Variants in CDYL2 observed in about 807,000 individuals in gnomAD.
The protein encoded by CDYL2 is chromodomain Y like 2, also known as chromodomain Y-like protein 2.
CDYL2 carries 23 observed loss-of-function variants against 49.4 expected under a neutral mutation model. The observed-to-expected ratio is 0.47, with a 90% CI of 0.34 to 0.66. The LOEUF is 0.66. Among genes scored for constraint, CDYL2 ranks in the 30% least tolerant of loss-of-function variants. The pLI is 0.01. For synonymous variants in CDYL2, 360 were observed against 268.8 expected, an observed-to-expected ratio of 1.34 and a Z score of -3.32; for missense variants, 678 against 656.4, an observed-to-expected ratio of 1.03 and a Z score of -0.36.
At chr16:80,628,525 G>C (rs1597133440) in intron 3 of CDYL2, 1 of 152,290 alleles carries the variant, frequency 6.6e-6, no homozygotes, top group Non-Finnish European at 1.5e-5. Flanking sequence ...TGAGACTGCA[G>C]CCCCAGCCTC....
intron 1 of CDYL2, among the ~76,000 whole-genome samples, chr16:80,698,569 C>T (rs1904286091): frequency 6.6e-6 from 1 of 152,078 alleles, no homozygotes; most frequent in African/African-American, 2.4e-5. Context: ...AGAGGTGGGG[C>T]TTGGTAGGAC....
chr16:80,646,184 C>G (rs965504758), intron 2 of CDYL2, among the ~76,000 whole-genome samples: 3 of 151,678 alleles, frequency 2.0e-5, no homozygotes, highest in African/African-American at 7.3e-5. Context: ...GTCCCTCCCA[C>G]AATATGTGGG....
chr16:80,646,810 C>T (rs1184214844), intron 2 of CDYL2, among the ~76,000 whole-genome samples: 1 of 149,606 alleles, frequency 6.7e-6, no homozygotes, highest in African/African-American at 2.5e-5. Flanking sequence ...CAAAACAAAA[C>T]AAAACAAAAC....
chr16:80,789,289 A>G (rs1441189956), intron 1 of CDYL2, among the ~76,000 whole-genome samples: 5 of 152,174 alleles, frequency 3.3e-5, no homozygotes, highest in African/African-American at 1.2e-4. Flanking sequence ...CCCAAAGGAA[A>G]AGAAATCATT....
intron 4 of CDYL2, among the ~76,000 whole-genome samples, chr16:80,620,348 G>T (rs77660114): frequency 6.6e-6 from 1 of 152,150 alleles, no homozygotes; most frequent in Non-Finnish European, 1.5e-5. Flanking sequence ...GCTGAGCTAC[G>T]GCAGTGCTGG....
chr16:80,792,635 A>T (rs2142416822), intron 1 of CDYL2, among the ~76,000 whole-genome samples: 1 of 152,124 alleles, frequency 6.6e-6, no homozygotes, highest in African/African-American at 2.4e-5. Flanking sequence ...GAGTACAGAG[A>T]CTCACCTACC....
intron 2 of CDYL2, among the ~76,000 whole-genome samples, chr16:80,651,630 G>A (rs918778927): frequency 1.3e-5 from 2 of 152,140 alleles, no homozygotes; most frequent in African/African-American, 2.4e-5. Context: ...AGGATCTCAG[G>A]GTAGAATGCA....
At chr16:80,630,315 G>T (rs117530553) in intron 3 of CDYL2, among the ~76,000 whole-genome samples, 1 of 152,184 alleles carries the variant, frequency 6.6e-6, no homozygotes, top group Non-Finnish European at 1.5e-5. Context: ...TAAATCAGAC[G>T]AGCACAACAT....
chr16:80,737,152 T>A (rs1438976633), intron 1 of CDYL2, among the ~76,000 whole-genome samples: 1 of 152,168 alleles, frequency 6.6e-6, no homozygotes, highest in Non-Finnish European at 1.5e-5. Context: ...AATCTATCCA[T>A]GCCCCCAGAC....
intron 1 of CDYL2, among the ~76,000 whole-genome samples, chr16:80,725,187 C>A (rs1404357933): frequency 6.6e-6 from 1 of 152,080 alleles, no homozygotes; most frequent in East Asian, 1.9e-4. Context: ...CATACACATA[C>A]ACATACACAT....
intron 1 of CDYL2, among the ~76,000 whole-genome samples, chr16:80,714,873 T>TCCTTTAG (rs111904874): frequency 9.2e-5 from 14 of 152,224 alleles, no homozygotes; most frequent in African/African-American, 3.1e-4. Context: ...TTTACAAAGC[T>TCCTTTAG]CCTTTAGTGG....
intron 1 of CDYL2, among the ~76,000 whole-genome samples, chr16:80,741,775 G>A (rs1023363322): frequency 1.1e-4 from 17 of 152,052 alleles, no homozygotes; most frequent in Admixed American, 1.0e-3. Flanking sequence ...TTAAATAATC[G>A]CCCAGCATTG....
chr16:80,736,588 G>C (rs1168396169), intron 1 of CDYL2: 1 of 152,142 alleles, frequency 6.6e-6, no homozygotes, highest in African/African-American at 2.4e-5. Context: ...TGGGACTGTG[G>C]ACTCAGATGT....
chr16:80,786,474 G>C (rs1349826185), intron 1 of CDYL2, among the ~76,000 whole-genome samples: 1 of 152,204 alleles, frequency 6.6e-6, no homozygotes, highest in Non-Finnish European at 1.5e-5. Flanking sequence ...AGAGATGCTG[G>C]AGAGGTTGTG....
At chr16:80,707,038 C>G (rs1904428312) in intron 1 of CDYL2, among the ~76,000 whole-genome samples, 1 of 152,196 alleles carries the variant, frequency 6.6e-6, no homozygotes. Context: ...CGCCTCAGAG[C>G]ATGGGGGTGC....
intron 1 of CDYL2, among the ~76,000 whole-genome samples, chr16:80,704,217 C>A (rs1176490801): frequency 6.6e-6 from 1 of 152,210 alleles, no homozygotes; most frequent in Non-Finnish European, 1.5e-5. Flanking sequence ...TCCTAATCAG[C>A]CCAGATCAAC....
chr16:80,716,751 T>A (rs538257646), intron 1 of CDYL2, among the ~76,000 whole-genome samples: 1 of 151,980 alleles, frequency 6.6e-6, no homozygotes, highest in East Asian at 1.9e-4. Context: ...GATGGATGGA[T>A]GATAGATGGA....
intron 1 of CDYL2, among the ~76,000 whole-genome samples, chr16:80,747,062 TATC>T (rs1396281801): frequency 6.6e-6 from 1 of 152,214 alleles, no homozygotes; most frequent in African/African-American, 2.4e-5. Flanking sequence ...GGCTGCCATT[TATC>T]ATCATCTGTG....
At chr16:80,796,529 T>A (rs1191362567) in intron 1 of CDYL2, among the ~76,000 whole-genome samples, 1 of 152,246 alleles carries the variant, frequency 6.6e-6, no homozygotes, top group African/African-American at 2.4e-5. Context: ...ACGTATGTTC[T>A]ACTTTTTTCT....
Sources: gnomAD v4.1 joint callset for allele counts (sites outside exome capture counted in the v4.1 genomes callset) on GRCh38, gnomAD v4.1.1 for gene constraint, MANE v1.5 for transcripts, NCBI Gene and HGNC (gene_info 2026-07-23, HGNC 2026-07-21) for gene names.